The following CERT1 variants were observed in gnomAD, a reference collection of about 807,000 sequenced individuals.
The protein encoded by CERT1 is ceramide transfer protein.
A neutral mutation model predicts 87.9 loss-of-function variants in CERT1; 31 were observed. That is an observed-to-expected ratio of 0.35 (90% confidence interval 0.27 to 0.48). The LOEUF is 0.48. Ranked by LOEUF, CERT1 falls within the 20% of genes least tolerant of loss-of-function variation. The pLI, the probability that CERT1 is intolerant of heterozygous loss-of-function variation, is 0.99. For synonymous variants in CERT1, 289 were observed against 250.9 expected (o/e 1.15, Z -1.44); for missense variants, 487 against 758.0 (o/e 0.64, Z 4.20).
intron 8 of CERT1, among the ~76,000 whole-genome samples, chr5:75,405,879 G>C (rs1172184305): frequency 1.3e-5 from 2 of 151,396 alleles, no homozygotes; most frequent in Non-Finnish European, 1.5e-5. Context: ...TACTGGGGGG[G>C]GGGGGGGTCT....
Position 75,428,095 on chromosome 5 carries a change from T to C in CERT1, c.349-1617A>G, listed in dbSNP as rs146352941. On this transcript the variant is annotated intron_variant, in intron 3 of 16. Coordinates refer to ENST00000643780, the MANE Select transcript of CERT1 (RefSeq NM_001379029.1). ...TATTACATTTCTATATAGCTATTGGTTTACCCATGATATTATTCTAATTGG... is the reference window on the plus strand; with the variant it reads ...TATTACATTTCTATATAGCTATTGGCTTACCCATGATATTATTCTAATTGG... Among the ~76,000 whole-genome samples, 3 of 152,272 alleles carry C rather than the reference T, an allele frequency of 2.0e-5. No individual in the cohort carries two copies. The East Asian group carries it at 5.8e-4, about 29-fold the overall frequency.
At chr5:75,413,166 G>A (rs1056176208) in intron 7 of CERT1, among the ~76,000 whole-genome samples, 19 of 152,048 alleles carry the variant, frequency 1.2e-4, no homozygotes, top group Non-Finnish European at 2.8e-4. Flanking sequence ...CACAGGGTCA[G>A]GATCATCAAG....
At chr5:75,397,513 G>T (rs1413424517) in intron 11 of CERT1, among the ~76,000 whole-genome samples, 13 of 152,160 alleles carry the variant, frequency 8.5e-5, no homozygotes, top group Admixed American at 8.5e-4. Context: ...TTTGGGTTCT[G>T]AACCCCTAAT....
intron 3 of CERT1, among the ~76,000 whole-genome samples, chr5:75,438,753 A>G (rs1001788073): frequency 1.3e-5 from 2 of 152,110 alleles, no homozygotes; most frequent in African/African-American, 2.4e-5. Flanking sequence ...ACTGCTTCCC[A>G]AATTTGTTAG....
intron 3 of CERT1, among the ~76,000 whole-genome samples, chr5:75,445,662 G>C (rs1035714019): frequency 6.6e-6 from 1 of 152,028 alleles, no homozygotes; most frequent in African/African-American, 2.4e-5. Flanking sequence ...GTCAGACATA[G>C]GATTGGGTTT....
intron 17 of CERT1, chr5:75,372,527 T>G (rs1312636623): frequency 2.0e-5 from 3 of 152,168 alleles, no homozygotes; most frequent in African/African-American, 4.8e-5. Flanking sequence ...ATGAACAGCA[T>G]TTTTCTATAA....
intron 1 of CERT1, among the ~76,000 whole-genome samples, chr5:75,509,986 T>A (rs1271368238): frequency 6.6e-6 from 1 of 152,242 alleles, no homozygotes; most frequent in East Asian, 1.9e-4. Context: ...AATCCTTAGT[T>A]CTGACTACTC....
chr5:75,396,733 A>G (rs893575499), intron 11 of CERT1, among the ~76,000 whole-genome samples: 1 of 150,930 alleles, frequency 6.6e-6, no homozygotes, highest in Non-Finnish European at 1.5e-5. Flanking sequence ...CCGTCTCAAA[A>G]AAAAAAAAAA....
intron 2 of CERT1, among the ~76,000 whole-genome samples, chr5:75,459,899 T>G (rs1408401201): frequency 6.7e-6 from 1 of 149,470 alleles, no homozygotes; most frequent in African/African-American, 2.5e-5. Context: ...GAGGCCGAGG[T>G]TTCAGTGAGC....
In CERT1 at chr5:75,425,618, G is replaced by A. The variant is rs111730857; in HGVS notation, c.457-119C>T. ...CCTTATAACTGAGGGCATGGGATAA[G>A]GAGAGCTGTCTAGTTCAATATAATA... On this transcript the variant is annotated intron_variant, in intron 4 of 16. Coordinates refer to ENST00000643780, the MANE Select transcript of CERT1 (RefSeq NM_001379029.1). 4.4e-3 allele frequency: 3,953 copies of A among 901,110 alleles called. 79 individuals are homozygous for A. The African/African-American group carries it at 0.05, about 11-fold the overall frequency. The allele number at this position is 901,110 out of a possible 1,614,324, so 55.8% of individuals were successfully genotyped here.
At chr5:75,461,694 T>G (rs1186452321) in intron 2 of CERT1, among the ~76,000 whole-genome samples, 3 of 152,090 alleles carry the variant, frequency 2.0e-5, no homozygotes, top group East Asian at 3.9e-4. Context: ...CACCTTCTTA[T>G]GCAGACAAGG....
intron 2 of CERT1, among the ~76,000 whole-genome samples, chr5:75,474,816 AGG>A (rs1765884907): frequency 1.3e-5 from 2 of 151,144 alleles, no homozygotes; most frequent in Admixed American, 1.3e-4. Context: ...CTTCTACTAG[AGG>A]GAGTCTAATA....
chr5:75,378,501 G>T lies in CERT1; in HGVS notation c.*845C>A, dbSNP rs1046320168. On this transcript the variant is annotated 3_prime_UTR_variant, in exon 17 of 17. Coordinates refer to ENST00000643780, the MANE Select transcript of CERT1 (RefSeq NM_001379029.1). ...CTGTACTGGTTGACAGTAAAAATAT[G>T]GAACCAACTCAGACATTAACATGGG... The T allele has an allele frequency of 6.6e-6, 1 of 152,122 alleles. No individual in the cohort carries two copies. Among genetic ancestry groups the T allele is most frequent in the African/African-American group, 2.4e-5 (1 of 41,412 alleles). The allele number at this position is 152,122 out of a possible 1,614,324, so 9.4% of individuals were successfully genotyped here.
At chr5:75,434,676 C>T (rs1580766128) in intron 3 of CERT1, among the ~76,000 whole-genome samples, 1 of 150,390 alleles carries the variant, frequency 6.6e-6, no homozygotes, top group African/African-American at 2.5e-5. Context: ...CATTTCTGAA[C>T]TTGTTATTGG....
chr5:75,426,584 G>A (rs1391313125), intron 3 of CERT1, 106 bp from the exon 4 acceptor site: 7 of 737,228 alleles, frequency 9.5e-6, no homozygotes, highest in South Asian at 1.7e-5. Flanking sequence ...TTGGCAGTCT[G>A]GGTGCACATA....
At chr5:75,504,330 A>C (rs1338576857) in intron 2 of CERT1, among the ~76,000 whole-genome samples, 1 of 152,170 alleles carries the variant, frequency 6.6e-6, no homozygotes, top group Non-Finnish European at 1.5e-5. Flanking sequence ...CTGAGCCTTT[A>C]TGTTAAAGCT....
intron 11 of CERT1, among the ~76,000 whole-genome samples, chr5:75,391,107 G>A (rs944720943): frequency 2.6e-5 from 4 of 152,156 alleles, no homozygotes; most frequent in East Asian, 1.9e-4. Flanking sequence ...TGGGACTACA[G>A]GAGTGCACCA....
At chr5:75,391,195 G>T (rs1013135045) in intron 11 of CERT1, among the ~76,000 whole-genome samples, 6 of 152,158 alleles carry the variant, frequency 3.9e-5, no homozygotes, top group Admixed American at 2.0e-4. Context: ...GGTCCCAAGT[G>T]ATCTTCCCAC....
At chr5:75,386,792 C>G (rs1435029348) in intron 12 of CERT1, among the ~76,000 whole-genome samples, 1 of 152,164 alleles carries the variant, frequency 6.6e-6, no homozygotes, top group East Asian at 1.9e-4. Flanking sequence ...CCACCGTTTT[C>G]CCAGCTACCC....
Sources: gnomAD v4.1 joint callset for allele counts (sites outside exome capture counted in the v4.1 genomes callset) on GRCh38, gnomAD v4.1.1 for gene constraint, MANE v1.5 for transcripts, NCBI Gene and HGNC (gene_info 2026-07-23, HGNC 2026-07-21) for gene names.